The following TRABD2B variants were observed in gnomAD, a reference collection of about 807,000 sequenced individuals.
TRABD2B encodes metalloprotease TIKI2.
Under a neutral mutation model 40.1 loss-of-function variants are expected in TRABD2B, and 14 were observed. That is an observed-to-expected ratio of 0.35 (90% CI 0.23 to 0.55). The LOEUF is 0.55. Among genes scored for constraint, TRABD2B ranks in the 20% least tolerant of loss-of-function variants. The pLI is 0.90. For missense variants in TRABD2B, 541 were observed against 648.6 expected, an observed-to-expected ratio of 0.83 and a Z score of 1.80; for synonymous variants, 263 against 277.0, an observed-to-expected ratio of 0.95 and a Z score of 0.50.
intron 2 of TRABD2B, among the ~76,000 whole-genome samples, chr1:47,960,304 C>G (rs868692353): frequency 2.6e-5 from 4 of 152,304 alleles, no homozygotes; most frequent in Middle Eastern, 6.8e-3. Flanking sequence ...AAAACTGGCA[C>G]AAGACGGGGA....
chr1:47,848,638 G>A (rs911570036), intron 2 of TRABD2B, among the ~76,000 whole-genome samples: 4 of 152,184 alleles, frequency 2.6e-5, no homozygotes, highest in African/African-American at 9.7e-5. Context: ...TGACACAAAC[G>A]AGGAAACTGA....
intron 2 of TRABD2B, among the ~76,000 whole-genome samples, chr1:47,861,728 A>G (rs1439558620): frequency 6.6e-6 from 1 of 152,210 alleles, no homozygotes; most frequent in African/African-American, 2.4e-5. Flanking sequence ...CTCCTTCAGA[A>G]CACAGAAGCA....
intron 3 of TRABD2B, among the ~76,000 whole-genome samples, chr1:47,801,072 C>T (rs1267305570): frequency 1.3e-5 from 2 of 152,194 alleles, no homozygotes; most frequent in Non-Finnish European, 2.9e-5. Flanking sequence ...ACAATCTTTC[C>T]TCTGAGACTC....
At chr1:47,882,077 G>A (rs1037262217) in intron 2 of TRABD2B, among the ~76,000 whole-genome samples, 2 of 152,234 alleles carry the variant, frequency 1.3e-5, no homozygotes, top group African/African-American at 4.8e-5. Flanking sequence ...CAGACGCCCC[G>A]CTCTGCAGCA....
At chr1:47,835,695 T>A (rs2124466538) in intron 2 of TRABD2B, among the ~76,000 whole-genome samples, 1 of 152,272 alleles carries the variant, frequency 6.6e-6, no homozygotes, top group Middle Eastern at 3.4e-3. Context: ...AAAGAAGAAA[T>A]TAAGATATTC....
chr1:47,906,620 T>C (rs78680248), intron 2 of TRABD2B, among the ~76,000 whole-genome samples: 3,556 of 152,256 alleles, frequency 0.023, 106 homozygotes, highest in Admixed American at 0.09. Flanking sequence ...AGACGGGTAA[T>C]ACTGCAACCC....
chr1:47,923,913 CAT>C (rs1187744732), intron 2 of TRABD2B, among the ~76,000 whole-genome samples: 13 of 56,140 alleles, frequency 2.3e-4, no homozygotes, highest in African/African-American at 7.8e-4. Flanking sequence ...CACATACACA[CAT>C]ACACACACAC....
chr1:47,945,063 A>G (rs1317343628), intron 2 of TRABD2B, among the ~76,000 whole-genome samples: 1 of 152,206 alleles, frequency 6.6e-6, no homozygotes, highest in African/African-American at 2.4e-5. Context: ...GGTGGGGAAC[A>G]GATCTCCAAG....
At chr1:47,778,397 A>T (rs1644475695) in intron 5 of TRABD2B, 57 bp downstream of exon 5, 5 of 1,308,404 alleles carry the variant, frequency 3.8e-6, no homozygotes, top group Non-Finnish European at 5.3e-6. Flanking sequence ...CTCTCCTGAA[A>T]GCCTGGGCAG....
intron 4 of TRABD2B, among the ~76,000 whole-genome samples, chr1:47,791,543 G>T (rs1233176470): frequency 2.0e-5 from 3 of 152,240 alleles, no homozygotes; most frequent in Middle Eastern, 3.4e-3. Context: ...GCAGGCAATG[G>T]GCTGCGAGAG....
intron 2 of TRABD2B, among the ~76,000 whole-genome samples, chr1:47,967,377 A>G (rs1378710759): frequency 6.6e-6 from 1 of 151,746 alleles, no homozygotes; most frequent in Admixed American, 6.6e-5. Context: ...ACACACAGCA[A>G]TACTTCGCTT....
At chr1:47,772,927 T>G (rs1398045571) in intron 6 of TRABD2B, among the ~76,000 whole-genome samples, 1 of 152,236 alleles carries the variant, frequency 6.6e-6, no homozygotes, top group Non-Finnish European at 1.5e-5. Flanking sequence ...AATTTACCTG[T>G]GGGGACAGAA....
At chr1:47,798,364 C>T (rs1323393573) in intron 3 of TRABD2B, among the ~76,000 whole-genome samples, 2 of 152,210 alleles carry the variant, frequency 1.3e-5, no homozygotes, top group Non-Finnish European at 2.9e-5. Context: ...ATGCATGCAG[C>T]AACTCTACAC....
At chr1:47,863,106 A>C (rs868490175) in intron 2 of TRABD2B, among the ~76,000 whole-genome samples, 1 of 151,912 alleles carries the variant, frequency 6.6e-6, no homozygotes. Flanking sequence ...GAAACTATGA[A>C]ACTCCTAGAA....
At chr1:47,843,434 C>T (rs901760100) in intron 2 of TRABD2B, among the ~76,000 whole-genome samples, 32 of 152,252 alleles carry the variant, frequency 2.1e-4, no homozygotes, top group Non-Finnish European at 3.7e-4. Context: ...GCATGAGCCC[C>T]GTTGATCTGG....
At position 47,920,325 on chromosome 1, in the gene TRABD2B, C is replaced by T. The variant is rs575962605; in HGVS notation, c.666+73709G>A. Reference sequence around the variant, plus strand: ...CTGGATGTCCTGTCCCTGGCTTAATCCCCGTCAAATTAGAGGTCAAGAGGG... The same window carrying T: ...CTGGATGTCCTGTCCCTGGCTTAATTCCCGTCAAATTAGAGGTCAAGAGGG... On this transcript the variant is annotated intron_variant, in intron 2 of 6. Transcript: ENST00000606738. 3.3e-5 allele frequency among the ~76,000 whole-genome samples: 5 copies of T among 152,326 alleles called. No homozygotes were observed. In the South Asian group the frequency reaches 1.0e-3, roughly 32 times the overall value.
At chr1:47,823,294 C>T (rs1645134730) in intron 2 of TRABD2B, among the ~76,000 whole-genome samples, 1 of 152,262 alleles carries the variant, frequency 6.6e-6, no homozygotes, top group South Asian at 2.1e-4. Flanking sequence ...GCTGGTCCTC[C>T]GATTCCACTT....
intron 2 of TRABD2B, among the ~76,000 whole-genome samples, chr1:47,882,142 C>T (rs1415440805): frequency 6.6e-6 from 1 of 152,246 alleles, no homozygotes; most frequent in African/African-American, 2.4e-5. Context: ...TTTCAGCAAC[C>T]GAGGAGGCCC....
intron 2 of TRABD2B, among the ~76,000 whole-genome samples, chr1:47,859,383 C>A (rs753129078): frequency 7.9e-5 from 12 of 152,162 alleles, no homozygotes; most frequent in Admixed American, 2.6e-4. Context: ...TCCAGTTGGA[C>A]CCCAGCCCTG....
Sources: allele counts gnomAD v4.1 joint callset (sites outside exome capture counted in the v4.1 genomes callset), GRCh38; gene constraint gnomAD v4.1.1; transcripts MANE v1.5; gene names NCBI Gene and HGNC (gene_info 2026-07-23, HGNC 2026-07-21).